The following SHC3 variants were observed in gnomAD, a reference collection of about 807,000 sequenced individuals.
SHC3 encodes the protein SHC-transforming protein 3.
SHC3 carries 15 observed loss-of-function variants against 60.4 expected under a neutral mutation model. That is an observed-to-expected ratio of 0.25 (90% CI 0.17 to 0.38). SHC3 has a LOEUF of 0.38. Ranked by LOEUF, SHC3 falls within the 10% of genes least tolerant of loss-of-function variation. SHC3 has a pLI of 1.00. For synonymous variants in SHC3, 294 were observed against 325.9 expected (o/e 0.90, Z 1.05); for missense variants, 677 against 786.1 (o/e 0.86, Z 1.66).
intron 1 of SHC3, among the ~76,000 whole-genome samples, chr9:89,131,464 A>G (rs1164882762): frequency 1.3e-5 from 2 of 152,210 alleles, no homozygotes; most frequent in Non-Finnish European, 2.9e-5. Context: ...AAGAAAGAGA[A>G]TTTTAGACCA....
rs1826036865 is a variant in SHC3 at position 89,013,220 on chromosome 9, T to C, written c.*227A>G. On this transcript the variant is annotated 3_prime_UTR_variant, in exon 12 of 12. Transcript: ENST00000375835. ...TTCTTAGTCTTAAAAAATATAAATA[T>C]AGAGGGATAATTTGTACAGGATGTA... The C allele has an allele frequency of 2.9e-6, 1 of 348,480 alleles. No homozygotes were observed. 21.6% of individuals were successfully genotyped at this position (348,480 alleles called of 1,614,324 possible). A position where few individuals can be genotyped will look rare whatever the true frequency, so the allele number is the denominator to read the frequency against.
At position 89,075,245 on chromosome 9, in the gene SHC3, C is replaced by T. The variant is rs769074435; in HGVS notation, c.610-17G>A. ...GCTTGGAGGCTGTGAAATTAAAGAGCATTATTTTAGCTGTTTCATTTCCAT... is the reference window on the plus strand; with the variant it reads ...GCTTGGAGGCTGTGAAATTAAAGAGTATTATTTTAGCTGTTTCATTTCCAT... On this transcript the variant is annotated splice_polypyrimidine_tract_variant and intron_variant, in intron 3 of 11. Coordinates refer to ENST00000375835, the MANE Select transcript of SHC3 (RefSeq NM_016848.6). 1.2e-6 allele frequency: 2 copies of T among 1,612,524 alleles called. No individual in the cohort carries two copies. Among genetic ancestry groups the T allele is most frequent in the Non-Finnish European group, 1.7e-6 (2 of 1,179,180 alleles).
rs186277083 is a variant in SHC3, at chr9:89,048,186, G to A, written c.963-1192C>T. 1.1e-3 allele frequency among the ~76,000 whole-genome samples: 170 copies of A among 150,500 alleles called. 1 individual carries two copies. Among genetic ancestry groups the A allele is most frequent in the African/African-American group, 3.8e-3 (156 of 40,886 alleles). On this transcript the variant is annotated intron_variant, in intron 7 of 11. Transcript: ENST00000375835. ...TTGAACCCGGGAGGTGGATGTTGCA[G>A]TGAGCTGAGATCGTGCCACTGCATT...
At chr9:89,040,294 C>T (rs1824668166) in intron 10 of SHC3, among the ~76,000 whole-genome samples, 1 of 21,082 alleles carries the variant, frequency 4.7e-5, no homozygotes, top group African/African-American at 1.8e-4. Flanking sequence ...ACCATCATCA[C>T]ATCAGCACCG....
intron 6 of SHC3, among the ~76,000 whole-genome samples, chr9:89,063,008 G>A (rs1825115963): frequency 6.6e-6 from 1 of 152,230 alleles, no homozygotes; most frequent in South Asian, 2.1e-4. Flanking sequence ...CTGTCATCCG[G>A]TAGGCTGGGC....
intron 5 of SHC3, among the ~76,000 whole-genome samples, 192 bp downstream of exon 5, chr9:89,071,007 G>A (rs1379742227): frequency 6.6e-6 from 1 of 152,136 alleles, no homozygotes; most frequent in African/African-American, 2.4e-5. Flanking sequence ...CTAATGGTGG[G>A]GTCCTTGTCA....
At chr9:89,032,973 CT>C in intron 11 of SHC3, among the ~76,000 whole-genome samples, 1 of 151,720 alleles carries the variant, frequency 6.6e-6, no homozygotes, top group East Asian at 2.0e-4. Flanking sequence ...TAAAGCTGTC[CT>C]CCATAGGATC....
chr9:89,089,571 C>T (rs1398309643), intron 2 of SHC3, among the ~76,000 whole-genome samples: 1 of 152,126 alleles, frequency 6.6e-6, no homozygotes, highest in African/African-American at 2.4e-5. Context: ...AACCACCATA[C>T]CTAAGACAAA....
chr9:89,027,201 A>G (rs914533716), intron 11 of SHC3, among the ~76,000 whole-genome samples: 13 of 152,192 alleles, frequency 8.5e-5, no homozygotes, highest in African/African-American at 3.1e-4. Context: ...CAGAAAAGAG[A>G]GGAAACTTCC....
chr9:89,128,757 T>G (rs1826199980), intron 1 of SHC3, among the ~76,000 whole-genome samples: 1 of 152,080 alleles, frequency 6.6e-6, no homozygotes, highest in African/African-American at 2.4e-5. Context: ...TACGTCACCA[T>G]CATCAAAGGC....
chr9:89,152,220 C>G (rs545371654), intron 1 of SHC3, among the ~76,000 whole-genome samples: 1 of 152,322 alleles, frequency 6.6e-6, no homozygotes, highest in Non-Finnish European at 1.5e-5. Flanking sequence ...TTGTTAAAAA[C>G]GGGAGAATCC....
Position 89,013,556 on chromosome 9 carries a change from ACT to A in SHC3, c.1674_1675del (p.Arg558SerfsTer3), listed in dbSNP as rs1222636335. The A allele has an allele frequency of 6.2e-7, 1 of 1,612,966 alleles. No homozygotes were observed. The highest frequency in any genetic ancestry group is 1.3e-5 in the African/African-American group (1 of 74,664). On this transcript the variant is annotated frameshift_variant, in exon 12 of 12. Transcript: ENST00000375835. LOFTEE classifies it high-confidence loss of function. ...GATGAGGTGGCTGATACTGTCAAAG[ACT>A]CTGTCCTTTGTCCGGATCTATGAAT...
intron 2 of SHC3, among the ~76,000 whole-genome samples, chr9:89,081,302 A>G (rs1190533016): frequency 6.6e-6 from 1 of 152,210 alleles, no homozygotes; most frequent in African/African-American, 2.4e-5. Context: ...GGCAATACAC[A>G]TGGCTCCAAA....
chr9:89,026,943 G>T (rs895119860), intron 11 of SHC3, among the ~76,000 whole-genome samples: 1 of 152,170 alleles, frequency 6.6e-6, no homozygotes, highest in African/African-American at 2.4e-5. Flanking sequence ...TCCTTTTCTA[G>T]TTCCGAGCTA....
intron 1 of SHC3, among the ~76,000 whole-genome samples, chr9:89,120,997 G>A (rs1339838387): frequency 6.6e-6 from 1 of 151,760 alleles, no homozygotes; most frequent in African/African-American, 2.4e-5. Context: ...CACTTCACAG[G>A]CCACTTTACA....
At position 89,161,240 on chromosome 9, in the gene SHC3, T is replaced by A. The variant is rs137998906; in HGVS notation, c.474+16747A>T. On this transcript the variant is annotated intron_variant, in intron 1 of 11. Transcript: ENST00000375835. ...GGTTTAGCACCACCCCCTTCATGCA[T>A]CCCCACTGTGCTGTTCTGGCGATAG... 3.6e-3 allele frequency among the ~76,000 whole-genome samples: 552 copies of A among 152,270 alleles called. 2 individuals carry two copies. Among genetic ancestry groups the A allele is most frequent in the African/African-American group, 0.012 (517 of 41,546 alleles).
chr9:89,115,544 A>G (rs1341460765), intron 1 of SHC3, among the ~76,000 whole-genome samples: 1 of 152,166 alleles, frequency 6.6e-6, no homozygotes, highest in African/African-American at 2.4e-5. Context: ...CATCATCAGC[A>G]ATGTCACAGT....
intron 6 of SHC3, among the ~76,000 whole-genome samples, chr9:89,064,425 C>T (rs1825142068): frequency 6.6e-6 from 1 of 152,280 alleles, no homozygotes; most frequent in South Asian, 2.1e-4. Flanking sequence ...TGTCGCTGGA[C>T]AGGAACTGTA....
intron 1 of SHC3, among the ~76,000 whole-genome samples, chr9:89,140,980 T>C (rs977459930): frequency 6.6e-6 from 1 of 152,220 alleles, no homozygotes; most frequent in Non-Finnish European, 1.5e-5. Context: ...AGCTGATTTT[T>C]AACCATAGCG....
Sources: allele counts gnomAD v4.1 joint callset (sites outside exome capture counted in the v4.1 genomes callset), GRCh38; gene constraint gnomAD v4.1.1; transcripts MANE v1.5; gene names NCBI Gene and HGNC (gene_info 2026-07-23, HGNC 2026-07-21).